Variants in CADM2 observed in about 807,000 individuals in gnomAD.
CADM2 encodes the protein cell adhesion molecule 2.
CADM2 carries 12 observed loss-of-function variants against 49.8 expected under a neutral mutation model. The observed-to-expected ratio is 0.24, with a 90% CI of 0.15 to 0.39. The LOEUF (loss-of-function observed/expected upper bound fraction) is 0.39. CADM2 is among the 10% of genes least tolerant of loss of function. The pLI is 1.00. For missense variants in CADM2, 378 were observed against 492.3 expected, an observed-to-expected ratio of 0.77 and a Z score of 2.20; for synonymous variants, 214 against 175.4, an observed-to-expected ratio of 1.22 and a Z score of -1.74.
intron 8 of CADM2, among the ~76,000 whole-genome samples, chr3:86,015,625 T>C (rs1308728791): frequency 6.6e-6 from 1 of 152,242 alleles, no homozygotes; most frequent in African/African-American, 2.4e-5. Flanking sequence ...AACAAGGATT[T>C]CAGTGCAGAT....
intron 2 of CADM2, among the ~76,000 whole-genome samples, chr3:85,740,773 C>T (rs2068347204): frequency 6.6e-6 from 1 of 152,158 alleles, no homozygotes; most frequent in South Asian, 2.1e-4. Flanking sequence ...CACAACTTAC[C>T]TTGATGTACT....
intron 1 of CADM2, among the ~76,000 whole-genome samples, chr3:85,337,330 A>G (rs1237950922): frequency 6.6e-6 from 1 of 151,240 alleles, no homozygotes; most frequent in African/African-American, 2.4e-5. Flanking sequence ...AAGAAAGACA[A>G]TTTATACTTT....
chr3:85,753,758 T>A (rs1272623841), intron 2 of CADM2, among the ~76,000 whole-genome samples: 1 of 152,102 alleles, frequency 6.6e-6, no homozygotes, highest in Non-Finnish European at 1.5e-5. Flanking sequence ...TGACTCCTAT[T>A]GTTAGTGGCC....
intron 1 of CADM2, among the ~76,000 whole-genome samples, chr3:85,393,058 A>G (rs1368742): frequency 0.48 from 72,140 of 149,120 alleles, 21,000 homozygotes; most frequent in East Asian, 0.8. Context: ...TAGTTGAAGA[A>G]GAGAAAACCT....
chr3:85,776,174 G>A (rs2070350545), intron 2 of CADM2, among the ~76,000 whole-genome samples: 1 of 151,680 alleles, frequency 6.6e-6, no homozygotes, highest in Non-Finnish European at 1.5e-5. Context: ...GTTGAAAACA[G>A]GGAAAACAAA....
Position 85,409,755 on chromosome 3 carries a change from G to A in CADM2, c.62-316767G>A, listed in dbSNP as rs969537041. On this transcript the variant is annotated intron_variant, in intron 1 of 9. Coordinates refer to ENST00000383699, the MANE Select transcript of CADM2 (RefSeq NM_001167675.2). ...GAAGGCACTAAAATTGAATGAAGAC[G>A]TATTTATAACATTGAATTGATTGAA... Among the ~76,000 whole-genome samples, 7 of 152,134 alleles carry A rather than the reference G, an allele frequency of 4.6e-5. No homozygotes were observed. In the East Asian group the frequency reaches 7.7e-4, roughly 17 times the overall value.
intron 1 of CADM2, among the ~76,000 whole-genome samples, chr3:85,699,091 A>C (rs1292409870): frequency 6.6e-6 from 1 of 152,152 alleles, no homozygotes; most frequent in African/African-American, 2.4e-5. Flanking sequence ...GCCTGGGAGG[A>C]CAGTGATTAA....
At chr3:85,132,773 A>T (rs886657366) in intron 1 of CADM2, among the ~76,000 whole-genome samples, 1 of 152,198 alleles carries the variant, frequency 6.6e-6, no homozygotes, top group African/African-American at 2.4e-5. Context: ...GTAAGAGGAA[A>T]CTAACATAAG....
intron 1 of CADM2, among the ~76,000 whole-genome samples, chr3:85,094,543 A>G (rs2037723259): frequency 6.6e-6 from 1 of 152,174 alleles, no homozygotes; most frequent in Non-Finnish European, 1.5e-5. Flanking sequence ...AACACCTTAA[A>G]GGACATTTTT....
chr3:85,744,908 C>CT (rs1335721378), intron 2 of CADM2, among the ~76,000 whole-genome samples: 1 of 152,134 alleles, frequency 6.6e-6, no homozygotes, highest in Non-Finnish European at 1.5e-5. Flanking sequence ...GAATGGCATG[C>CT]TCTGCCTTAT....
At chr3:85,484,119 C>G (rs1036890582) in intron 1 of CADM2, among the ~76,000 whole-genome samples, 3 of 151,792 alleles carry the variant, frequency 2.0e-5, no homozygotes, top group Non-Finnish European at 2.9e-5. Context: ...TAGCTTTTCC[C>G]TTTGGACTTA....
Position 85,748,678 on chromosome 3 carries a change from A to AG in CADM2, c.88+22136dup, listed in dbSNP as rs900787153. 7.2e-5 allele frequency among the ~76,000 whole-genome samples: 11 copies of AG among 152,176 alleles called. No homozygotes were observed. In the South Asian group the frequency reaches 1.0e-3, roughly 14 times the overall value. The stretch of plus-strand genomic sequence containing the variant: ...AGCTGCCCTCATCCTAATCCCATTT[A>AG]GGGGGGTTTCCTTTATGCACTTTTA... On this transcript the variant is annotated intron_variant, in intron 2 of 9. Transcript: ENST00000383699.
Position 85,812,642 on chromosome 3 carries a change from T to G in CADM2, c.238+10446T>G, listed in dbSNP as rs1160244236. 4.6e-5 allele frequency among the ~76,000 whole-genome samples: 7 copies of G among 152,328 alleles called. No homozygotes were observed. The East Asian group carries it at 9.7e-4, about 21-fold the overall frequency. ...CTATACACATGCCATGGTGGTTTGC[T>G]GCACACATCAACCCATCACCTACAT... On this transcript the variant is annotated intron_variant, in intron 3 of 9. Coordinates refer to ENST00000383699, the MANE Select transcript of CADM2 (RefSeq NM_001167675.2).
intron 1 of CADM2, among the ~76,000 whole-genome samples, chr3:85,535,390 C>G (rs2061402517): frequency 6.6e-6 from 1 of 152,084 alleles, no homozygotes; most frequent in Non-Finnish European, 1.5e-5. Flanking sequence ...AAGTAACAGA[C>G]TCTTAATAAT....
intron 1 of CADM2, among the ~76,000 whole-genome samples, chr3:85,537,139 G>A (rs1376850384): frequency 1.3e-5 from 2 of 152,030 alleles, no homozygotes; most frequent in African/African-American, 2.4e-5. Context: ...TGTGATGTGA[G>A]AAACAGTATA....
At chr3:85,841,307 T>C (rs2074628153) in intron 3 of CADM2, among the ~76,000 whole-genome samples, 1 of 151,780 alleles carries the variant, frequency 6.6e-6, no homozygotes, top group Admixed American at 6.6e-5. Context: ...AGTAGTGTAA[T>C]ATAAGAGAGG....
chr3:85,065,023 T>G (rs917469482), intron 1 of CADM2, among the ~76,000 whole-genome samples: 2 of 152,126 alleles, frequency 1.3e-5, no homozygotes, highest in African/African-American at 4.8e-5. Flanking sequence ...TTTATTACCA[T>G]ATAGATGGAG....
intron 2 of CADM2, among the ~76,000 whole-genome samples, chr3:85,747,900 G>T (rs561079440): frequency 1.3e-5 from 2 of 152,188 alleles, no homozygotes; most frequent in South Asian, 4.1e-4. Flanking sequence ...ACACTGTATG[G>T]AAAGGAGAAC....
intron 1 of CADM2, among the ~76,000 whole-genome samples, chr3:85,431,666 A>C (rs959834661): frequency 6.6e-6 from 1 of 151,338 alleles, no homozygotes; most frequent in Non-Finnish European, 1.5e-5. Context: ...GGAAAGAAAC[A>C]TGGTTACTGA....
Sources: allele counts gnomAD v4.1 joint callset (sites outside exome capture counted in the v4.1 genomes callset), GRCh38; gene constraint gnomAD v4.1.1; transcripts MANE v1.5; gene names NCBI Gene and HGNC (gene_info 2026-07-23, HGNC 2026-07-21).